The following AKT3 variants were observed in gnomAD, a reference collection of about 807,000 sequenced individuals.
The protein encoded by AKT3 is RAC-gamma serine/threonine-protein kinase.
A neutral mutation model predicts 65.3 loss-of-function variants in AKT3; 15 were observed. The observed-to-expected ratio is 0.23, with a 90% CI of 0.15 to 0.35. The LOEUF (loss-of-function observed/expected upper bound fraction) is 0.35, where lower values mean the gene tolerates loss of function less well. Ranked by LOEUF, AKT3 falls within the 10% of genes least tolerant of loss-of-function variation. The pLI is 1.00. For synonymous variants in AKT3, 206 were observed against 183.8 expected (o/e 1.12, Z -0.98); for missense variants, 243 against 576.5 (o/e 0.42, Z 5.92).
At chr1:243,499,723 C>G (rs760595628), downstream of AKT3, 9 of 1,536,466 alleles carry the variant, frequency 5.9e-6, no homozygotes, top group Non-Finnish European at 7.2e-6. Flanking sequence ...AGAACATGAG[C>G]TATTGAAACT....
intron 8 of AKT3, among the ~76,000 whole-genome samples, 161 bp downstream of exon 8, chr1:243,613,510 A>C (rs1457431246): frequency 6.6e-6 from 1 of 152,186 alleles, no homozygotes; most frequent in Non-Finnish European, 1.5e-5. Context: ...ATTACATCTC[A>C]TCAGAAATAA....
intron 13 of AKT3, among the ~76,000 whole-genome samples, chr1:243,491,127 G>C (rs887119124): frequency 6.6e-6 from 1 of 152,182 alleles, no homozygotes; most frequent in Non-Finnish European, 1.5e-5. Context: ...AGGAGAACGT[G>C]GGCTTTGCCT....
intron 2 of AKT3, among the ~76,000 whole-genome samples, chr1:243,760,083 T>C (rs1224881846): frequency 6.6e-6 from 1 of 152,106 alleles, no homozygotes; most frequent in Non-Finnish European, 1.5e-5. Context: ...ATCCAAGGCA[T>C]CCAGCAGATA....
intron 2 of AKT3, among the ~76,000 whole-genome samples, chr1:243,718,763 G>A (rs528936194): frequency 2.0e-5 from 3 of 152,114 alleles, no homozygotes; most frequent in South Asian, 4.1e-4. Flanking sequence ...ATGAGCCACC[G>A]CACCCAGCCT....
chr1:243,825,890 G>C (rs952581307), intron 2 of AKT3, among the ~76,000 whole-genome samples: 3 of 152,196 alleles, frequency 2.0e-5, no homozygotes, highest in Middle Eastern at 3.4e-3. Context: ...CCAGCACTTT[G>C]GGAGGCCAAG....
chr1:243,823,034 A>T (rs1252416744), intron 2 of AKT3, among the ~76,000 whole-genome samples: 1 of 152,196 alleles, frequency 6.6e-6, no homozygotes, highest in African/African-American at 2.4e-5. Flanking sequence ...TCCTCAATAA[A>T]ACGCTGGCAA....
At chr1:243,843,098 A>T (rs1223283423) in intron 2 of AKT3, 27 bp downstream of exon 2, 1 of 1,612,610 alleles carries the variant, frequency 6.2e-7, no homozygotes, top group Non-Finnish European at 8.5e-7. Flanking sequence ...TACCAACCGT[A>T]TTATTTTTGG....
Position 243,735,308 on chromosome 1 carries a change from G to A in AKT3, c.47-39592C>T, listed in dbSNP as rs542581496. 1.3e-3 allele frequency among the ~76,000 whole-genome samples: 198 copies of A among 152,242 alleles called. 1 individual carries two copies. Among genetic ancestry groups the A allele is most frequent in the African/African-American group, 4.3e-3 (180 of 41,532 alleles). ...TTTACACCACCATCACCATAAAAACGTAATGCATTGTGCTATGATGTTACA... is the reference window on the plus strand; with the variant it reads ...TTTACACCACCATCACCATAAAAACATAATGCATTGTGCTATGATGTTACA... On this transcript the variant is annotated intron_variant, in intron 2 of 13. Transcript: ENST00000673466.
chr1:243,628,665 C>T (rs1269955987), intron 6 of AKT3, among the ~76,000 whole-genome samples: 1 of 152,206 alleles, frequency 6.6e-6, no homozygotes, highest in Admixed American at 6.5e-5. Context: ...CCTATTGCCA[C>T]ATCCTACTGT....
chr1:243,712,582 GGAAAAAA>G (rs1686232956), intron 2 of AKT3, among the ~76,000 whole-genome samples: 1 of 150,960 alleles, frequency 6.6e-6, no homozygotes, highest in African/African-American at 2.4e-5. Flanking sequence ...CACATTGGGC[GGAAAAAA>G]GAAAAAAGGA....
Position 243,505,157 on chromosome 1 carries a change from C to T in AKT3, c.*92G>A. On this transcript the variant is annotated 3_prime_UTR_variant, in exon 14 of 14. Coordinates refer to ENST00000673466, the MANE Select transcript of AKT3 (RefSeq NM_005465.7). ...TGGTCTGGGATGTCGGAAGGTGCCC[C>T]TGCTATGTGTAAGAGCTAGGACTGG... 8.2e-7 allele frequency: 1 copy of T among 1,224,476 alleles called. No homozygotes were observed. Among genetic ancestry groups the T allele is most frequent in the Non-Finnish European group, 1.2e-6 (1 of 844,738 alleles). The allele number at this position is 1,224,476 out of a possible 1,614,324, so 75.9% of individuals were successfully genotyped here.
At chr1:243,647,245 C>T (rs1680891731) in intron 4 of AKT3, among the ~76,000 whole-genome samples, 1 of 152,166 alleles carries the variant, frequency 6.6e-6, no homozygotes, top group Non-Finnish European at 1.5e-5. Flanking sequence ...CGATGGCAGT[C>T]CCCTAAGATT....
chr1:243,586,349 A>G (rs960514388), intron 8 of AKT3, among the ~76,000 whole-genome samples: 1 of 152,182 alleles, frequency 6.6e-6, no homozygotes, highest in African/African-American at 2.4e-5. Context: ...TTTTTCAAAG[A>G]ACTTAAAATA....
intron 2 of AKT3, among the ~76,000 whole-genome samples, chr1:243,733,892 T>C (rs1687693682): frequency 6.6e-6 from 1 of 152,188 alleles, no homozygotes; most frequent in Non-Finnish European, 1.5e-5. Context: ...TTGTACAAAA[T>C]GCAATATGTG....
chr1:243,837,305 T>C (rs1208749256), intron 2 of AKT3, among the ~76,000 whole-genome samples: 1 of 152,208 alleles, frequency 6.6e-6, no homozygotes, highest in Non-Finnish European at 1.5e-5. Context: ...TAGCCTTGTA[T>C]CTAAAGAAAT....
intron 3 of AKT3, among the ~76,000 whole-genome samples, chr1:243,676,811 A>C (rs900743206): frequency 1.3e-5 from 2 of 152,114 alleles, no homozygotes; most frequent in Admixed American, 6.5e-5. Flanking sequence ...CACTGCTGAC[A>C]CCCAACCCGG....
intron 10 of AKT3, among the ~76,000 whole-genome samples, chr1:243,562,465 G>T (rs967722436): frequency 6.6e-6 from 1 of 152,120 alleles, no homozygotes; most frequent in Non-Finnish European, 1.5e-5. Context: ...AAGTTTTATG[G>T]CATATGAATT....
intron 4 of AKT3, among the ~76,000 whole-genome samples, chr1:243,652,784 A>AAAAAAAAAAAAG: frequency 6.7e-6 from 1 of 148,840 alleles, no homozygotes; most frequent in Non-Finnish European, 1.5e-5. Context: ...AAAAAAAAAA[A>AAAAAAAAAAAAG]AAAAAAAAAG....
intron 11 of AKT3, among the ~76,000 whole-genome samples, chr1:243,547,336 C>T (rs966337253): frequency 1.3e-5 from 2 of 152,114 alleles, no homozygotes; most frequent in Non-Finnish European, 2.9e-5. Context: ...GTATTTATGA[C>T]CTTTGATTTT....
Sources: gnomAD v4.1 joint callset for allele counts (sites outside exome capture counted in the v4.1 genomes callset) on GRCh38, gnomAD v4.1.1 for gene constraint, MANE v1.5 for transcripts, NCBI Gene and HGNC (gene_info 2026-07-23, HGNC 2026-07-21) for gene names.